INPP5B: variants seen among roughly 807,000 people sequenced by gnomAD.
The protein encoded by INPP5B is inositol polyphosphate-5-phosphatase B, also known as type II inositol 1,4,5-trisphosphate 5-phosphatase.
INPP5B carries 90 observed loss-of-function variants against 118.5 expected under a neutral mutation model. The ratio of observed to expected loss-of-function variants is 0.76; its 90% confidence interval spans 0.64 to 0.90. The LOEUF (loss-of-function observed/expected upper bound fraction) is 0.90, where lower values mean the gene tolerates loss of function less well. Among genes scored for constraint, INPP5B ranks in the 40% least tolerant of loss-of-function variants. The pLI, the probability that INPP5B is intolerant of heterozygous loss-of-function variation, is 0.00. For synonymous variants in INPP5B, 385 were observed against 418.9 expected (o/e 0.92, Z 0.99); for missense variants, 984 against 1,125.6 (o/e 0.87, Z 1.80).
At chr1:37,888,877 C>T (rs1643686102) in intron 9 of INPP5B, among the ~76,000 whole-genome samples, 1 of 152,184 alleles carries the variant, frequency 6.6e-6, no homozygotes, top group Non-Finnish European at 1.5e-5. Flanking sequence ...CACCAGCTAA[C>T]TTCATTTTAG....
At chr1:37,889,163 G>A (rs1445749595) in intron 9 of INPP5B, among the ~76,000 whole-genome samples, 1 of 152,222 alleles carries the variant, frequency 6.6e-6, no homozygotes, top group East Asian at 1.9e-4. Context: ...CTTGGGCCCA[G>A]GAGGCTGAGG....
intron 7 of INPP5B, among the ~76,000 whole-genome samples, chr1:37,920,783 C>A: frequency 6.6e-6 from 1 of 151,870 alleles, no homozygotes; most frequent in East Asian, 1.9e-4. Flanking sequence ...TTACCCTACC[C>A]TCTCTAAGCC....
At chr1:37,925,611 T>C (rs1645198800) in intron 7 of INPP5B, among the ~76,000 whole-genome samples, 1 of 152,164 alleles carries the variant, frequency 6.6e-6, no homozygotes, top group South Asian at 2.1e-4. Flanking sequence ...ACAGTATCTT[T>C]CCTCTAATAA....
chr1:37,883,389 T>C (rs1643326154), intron 13 of INPP5B: 1 of 985,394 alleles, frequency 1.0e-6, no homozygotes, highest in Non-Finnish European at 1.2e-6. Flanking sequence ...GTTCAAACTT[T>C]ATAGTGGAGC....
chr1:37,917,808 G>A (rs1377529310), intron 7 of INPP5B, among the ~76,000 whole-genome samples: 1 of 152,136 alleles, frequency 6.6e-6, no homozygotes, highest in Non-Finnish European at 1.5e-5. Flanking sequence ...TACATGGCTA[G>A]TGACTAGCAC....
At chr1:37,946,106 G>T in intron 2 of INPP5B, 146 bp downstream of exon 2, 1 of 783,084 alleles carries the variant, frequency 1.3e-6, no homozygotes, top group Non-Finnish European at 2.1e-6. Context: ...GAGAGTCCAG[G>T]ACTCAGTAAG....
chr1:37,891,318 T>C, intron 8 of INPP5B, 40 bp downstream of exon 8: 1 of 1,448,660 alleles, frequency 6.9e-7, no homozygotes, highest in African/African-American at 1.4e-5. Context: ...GAGGAGAACC[T>C]CAGTCCTACA....
chr1:37,946,400 T>A, intron 1 of INPP5B, 66 bp from the exon 2 acceptor site: 5 of 1,150,050 alleles, frequency 4.3e-6, no homozygotes, highest in Non-Finnish European at 5.0e-6. Flanking sequence ...TGGAGCTGCC[T>A]CAGAGGGGTT....
At chr1:37,909,257 A>C (rs4653335) in intron 7 of INPP5B, among the ~76,000 whole-genome samples, 33,394 of 151,902 alleles carry the variant, frequency 0.22, 4,542 homozygotes, top group Non-Finnish European at 0.3. Context: ...TCTCCACCCC[A>C]AGCTCTGAAT....
chr1:37,870,005 GGAT>G (rs1642310647), intron 19 of INPP5B: 1 of 151,702 alleles, frequency 6.6e-6, no homozygotes, highest in Non-Finnish European at 1.5e-5. Context: ...ATTTAGTTTA[GGAT>G]GATAACCTAC....
At chr1:37,922,034 A>C (rs1645075739) in intron 7 of INPP5B, among the ~76,000 whole-genome samples, 1 of 151,834 alleles carries the variant, frequency 6.6e-6, no homozygotes, top group Non-Finnish European at 1.5e-5. Flanking sequence ...TGTCTCAAAA[A>C]ACTAAAAATA....
At position 37,862,210 on chromosome 1, in the gene INPP5B, CT is replaced by C; in HGVS notation, c.*104del. ...CTAGGCTCAGGAAATAGCTGCCATTCTTGCTACCAAGTGGCCTCACATAATT... is the reference window on the plus strand; with the variant it reads ...CTAGGCTCAGGAAATAGCTGCCATTCTGCTACCAAGTGGCCTCACATAATT... On this transcript the variant is annotated 3_prime_UTR_variant, in exon 24 of 24. Transcript: ENST00000373024. The C allele has an allele frequency of 1.4e-6, 1 of 733,718 alleles. No homozygotes were observed. 45.5% of individuals were successfully genotyped at this position (733,718 alleles called of 1,614,324 possible). A position where few individuals can be genotyped will look rare whatever the true frequency, so the allele number is the denominator to read the frequency against.
chr1:37,898,258 A>C (rs1262703051), intron 7 of INPP5B, among the ~76,000 whole-genome samples: 1 of 152,116 alleles, frequency 6.6e-6, no homozygotes, highest in Non-Finnish European at 1.5e-5. Context: ...AATGGTTGCC[A>C]GGGGTTTTGG....
At chr1:37,868,369 C>A in intron 20 of INPP5B, 132 bp downstream of exon 20, 1 of 580,188 alleles carries the variant, frequency 1.7e-6, no homozygotes, top group Non-Finnish European at 3.2e-6. Context: ...ACATGGCATA[C>A]TATCTATCCT....
chr1:37,927,535 C>CT (rs1557708438), intron 7 of INPP5B, among the ~76,000 whole-genome samples: 6 of 150,906 alleles, frequency 4.0e-5, no homozygotes, highest in African/African-American at 1.5e-4. Flanking sequence ...TTTTCTTTTT[C>CT]TTTCTTTTTT....
intron 16 of INPP5B, among the ~76,000 whole-genome samples, chr1:37,876,675 C>T (rs1402854716): frequency 8.1e-6 from 1 of 123,686 alleles, no homozygotes; most frequent in Non-Finnish European, 1.6e-5. Context: ...CTGGCTAACA[C>T]GGTGAAACCC....
chr1:37,909,945 A>G (rs1644632490), intron 7 of INPP5B, among the ~76,000 whole-genome samples: 1 of 152,158 alleles, frequency 6.6e-6, no homozygotes, highest in South Asian at 2.1e-4. Context: ...AAATCTGGCC[A>G]CTGGGCCAAG....
In INPP5B at chr1:37,914,698, C is replaced by A. The variant is rs183920324; in HGVS notation, c.532+17215G>T. On this transcript the variant is annotated intron_variant, in intron 7 of 23. Coordinates refer to ENST00000373024, the MANE Select transcript of INPP5B (RefSeq NM_005540.3). ...CTCTGGCCCCCTCCATACATTCTCA[C>A]ATAACTCAGTGCTTACTTCCATCAA... Among the ~76,000 whole-genome samples, 8 of 152,298 alleles carry A rather than the reference C, an allele frequency of 5.3e-5. No homozygotes were observed. In the East Asian group the frequency reaches 1.4e-3, roughly 26 times the overall value.
Position 37,862,256 on chromosome 1 carries a change from G to A in INPP5B, c.*59C>T. 9.0e-7 allele frequency: 1 copy of A among 1,111,550 alleles called. No individual in the cohort carries two copies. 68.9% of individuals were successfully genotyped at this position (1,111,550 alleles called of 1,614,324 possible). A position where few individuals can be genotyped will look rare whatever the true frequency, so the allele number is the denominator to read the frequency against. On this transcript the variant is annotated 3_prime_UTR_variant, in exon 24 of 24. Transcript: ENST00000373024. The stretch of plus-strand genomic sequence containing the variant: ...ATAATTATCTTAAGGCATCTCTTGA[G>A]CTGAAACAGGTGGGGCTGGTAATTG...
Sources: allele counts gnomAD v4.1 joint callset (sites outside exome capture counted in the v4.1 genomes callset), GRCh38; gene constraint gnomAD v4.1.1; transcripts MANE v1.5; gene names NCBI Gene and HGNC (gene_info 2026-07-23, HGNC 2026-07-21).